ZYG11A: variants seen among roughly 807,000 people sequenced by gnomAD.
ZYG11A encodes zyg-11 family member A, cell cycle regulator, also known as protein zyg-11 homolog A.
Under a neutral mutation model 77.2 loss-of-function variants are expected in ZYG11A, and 62 were observed. That is an observed-to-expected ratio of 0.80 (90% CI 0.65 to 0.99). The LOEUF (loss-of-function observed/expected upper bound fraction) is 0.99. Ranked by LOEUF, ZYG11A falls within the 50% of genes least tolerant of loss-of-function variation. The probability of loss-of-function intolerance (pLI) is 0.00; values close to 1 mark genes in which losing one functional copy is unlikely to be tolerated. For missense variants in ZYG11A, 828 were observed against 896.8 expected (o/e 0.92, Z 0.98); for synonymous variants, 315 against 324.6 (o/e 0.97, Z 0.32).
At position 52,892,724 on chromosome 1, in the gene ZYG11A, A is replaced by G. The variant is rs1040869655; in HGVS notation, c.2105-58A>G. The G allele has an allele frequency of 5.0e-6, 7 of 1,413,308 alleles. No homozygotes were observed. The African/African-American group carries it at 7.1e-5, about 14-fold the overall frequency. The allele number at this position is 1,413,308 out of a possible 1,614,324, so 87.5% of individuals were successfully genotyped here. A position where few individuals can be genotyped will look rare whatever the true frequency, so the allele number is the denominator to read the frequency against. ...TCTTCAGCAAGGTGAATGTGGTGAC[A>G]TGGGAGTATTTAAAATGCCAGTTGT... On this transcript the variant is annotated intron_variant, in intron 13 of 13. Transcript: ENST00000371528.
chr1:52,843,045 C>T (rs536056494), intron 1 of ZYG11A, 72 bp downstream of exon 1: 62 of 1,340,568 alleles, frequency 4.6e-5, no homozygotes, highest in African/African-American at 2.9e-4. Flanking sequence ...CGGCGAGTCT[C>T]CTGGGACGCT....
intron 13 of ZYG11A, 75 bp from the exon 14 acceptor site, chr1:52,892,707 A>G (rs1646566667): frequency 1.6e-6 from 2 of 1,266,254 alleles, no homozygotes; most frequent in East Asian, 5.1e-5. Context: ...TTTCTTCAGC[A>G]AGGTGAATGT....
intron 13 of ZYG11A, among the ~76,000 whole-genome samples, chr1:52,888,974 A>T (rs530131278): frequency 3.7e-4 from 56 of 152,332 alleles, no homozygotes; most frequent in African/African-American, 1.3e-3. Flanking sequence ...ACAGACTCAT[A>T]CAGTTATAAC....
intron 1 of ZYG11A, among the ~76,000 whole-genome samples, chr1:52,850,511 G>A (rs1645688599): frequency 6.6e-6 from 1 of 152,004 alleles, no homozygotes; most frequent in Non-Finnish European, 1.5e-5. Flanking sequence ...ATAGAGACGG[G>A]GTTTCACCAC....
chr1:52,885,881 T>C lies in ZYG11A; in HGVS notation c.1993T>C (p.Leu665=), dbSNP rs1010046030. The change falls in exon 12 of 14, where the codon TTG becomes CTG. Residue 665 remains leucine (L), a synonymous_variant. Coordinates refer to ENST00000371528, the MANE Select transcript of ZYG11A (RefSeq NM_001004339.3). ...AAGTTCAAGTTGTAAGATGACAGCA[T>C]TGGTGACCTATAGGTAATTTCATGG... ...WPSSSCKMTA[L]VTYRSFKTFF... is the part of the protein sequence containing the mutation. The C allele has an allele frequency of 1.3e-6, 2 of 1,547,046 alleles. No homozygotes were observed. Among genetic ancestry groups the C allele is most frequent in the Non-Finnish European group, 1.7e-6 (2 of 1,145,134 alleles).
chr1:52,867,706 A>G (rs1646052176), intron 7 of ZYG11A, 21 bp from the exon 8 acceptor site: 1 of 1,551,464 alleles, frequency 6.4e-7, no homozygotes, highest in Admixed American at 2.0e-5. Context: ...AGTTCACTTG[A>G]GCCTTTCTGT....
chr1:52,865,933 G>GTTTTT (rs35299513), intron 5 of ZYG11A, among the ~76,000 whole-genome samples: 3 of 96,808 alleles, frequency 3.1e-5, no homozygotes, highest in African/African-American at 1.2e-4. Flanking sequence ...TGTAAAGGGA[G>GTTTTT]TTTTTTTTTT....
intron 13 of ZYG11A, among the ~76,000 whole-genome samples, chr1:52,887,747 G>T (rs1268959473): frequency 6.6e-6 from 1 of 151,836 alleles, no homozygotes; most frequent in Non-Finnish European, 1.5e-5. Flanking sequence ...AATTAGCCAG[G>T]TATGTGTGGC....
intron 1 of ZYG11A, among the ~76,000 whole-genome samples, chr1:52,843,186 T>G (rs534070): frequency 0.65 from 98,748 of 151,226 alleles, 33,245 homozygotes; most frequent in African/African-American, 0.79. Context: ...GAGCGGGGGG[T>G]GCTTTTCTGC....
At chr1:52,866,474 C>T (rs1479996922) in intron 5 of ZYG11A, 29 bp from the exon 6 acceptor site, 1 of 1,271,904 alleles carries the variant, frequency 7.9e-7, no homozygotes, top group Non-Finnish European at 1.1e-6. Flanking sequence ...TACATTTGTT[C>T]AAAATTATTT....
At chr1:52,856,688 T>G (rs1645819298) in intron 2 of ZYG11A, among the ~76,000 whole-genome samples, 1 of 146,940 alleles carries the variant, frequency 6.8e-6, no homozygotes, top group Admixed American at 6.9e-5. Flanking sequence ...TAGATAAAAT[T>G]TTGGGCTCTA....
rs780240792 is a variant in ZYG11A, at chr1:52,857,577, A to T, written c.836A>T (p.Gln279Leu). The T allele has an allele frequency of 9.7e-6, 15 of 1,551,948 alleles. No individual in the cohort carries two copies. The African/African-American group carries it at 2.1e-4, about 21-fold the overall frequency. ...TCAGACCTAGCTTTTCATTTGCTACAGCAGAAGGATATCCTGCCCAATGTT... is the reference window on the plus strand; with the variant it reads ...TCAGACCTAGCTTTTCATTTGCTACTGCAGAAGGATATCCTGCCCAATGTT... The part of the protein sequence containing the change: ...LKSDLAFHLL[Q>L]QKDILPNVVS... The change falls in exon 3 of 14, where the codon CAG becomes CTG. Residue 279 changes from glutamine (Q) to leucine (L), a missense_variant. Transcript: ENST00000371528.
At position 52,863,988 on chromosome 1, in the gene ZYG11A, C is replaced by A; in HGVS notation, c.1157C>A (p.Ala386Asp). 6.5e-7 allele frequency: 1 copy of A among 1,550,288 alleles called. No individual in the cohort carries two copies. The highest frequency in any genetic ancestry group is 2.0e-5 in the Admixed American group (1 of 50,746). The change falls in exon 5 of 14, where the codon GCT becomes GAT. Residue 386 changes from alanine to aspartate, a missense_variant. Coordinates refer to ENST00000371528, the MANE Select transcript of ZYG11A (RefSeq NM_001004339.3). ...AAACAAGTTCATCTTCAGCTTGTGG[C>A]TATAGGAATGAGGAATCACCCATTG... is the stretch of plus-strand genomic sequence containing the variant. ...VTMPAILKLV[A>D]IGMRNHPLDL... is the part of the protein sequence containing the mutation.
Position 52,873,940 on chromosome 1 carries a change from C to T in ZYG11A, c.1543-3742C>T, listed in dbSNP as rs1022946622. On this transcript the variant is annotated intron_variant, in intron 8 of 13. Transcript: ENST00000371528. ...TGGAGGTTGCAATGAGCCGAGATCGCGCCACTGCACTCCAGCCTGGGCAAC... is the reference window on the plus strand; with the variant it reads ...TGGAGGTTGCAATGAGCCGAGATCGTGCCACTGCACTCCAGCCTGGGCAAC... 5.9e-5 allele frequency among the ~76,000 whole-genome samples: 9 copies of T among 151,438 alleles called. No homozygotes were observed. The South Asian group carries it at 6.3e-4, about 11-fold the overall frequency.
At chr1:52,879,579 T>C (rs1646325866) in intron 10 of ZYG11A, among the ~76,000 whole-genome samples, 1 of 152,056 alleles carries the variant, frequency 6.6e-6, no homozygotes, top group African/African-American at 2.4e-5. Context: ...ATGTAATCAA[T>C]AAGTGTAATC....
At chr1:52,856,526 A>G (rs1228625686) in intron 2 of ZYG11A, among the ~76,000 whole-genome samples, 1 of 152,050 alleles carries the variant, frequency 6.6e-6, no homozygotes, top group Non-Finnish European at 1.5e-5. Context: ...TTTACAGATG[A>G]GGAAAATGAG....
intron 11 of ZYG11A, 25 bp downstream of exon 11, chr1:52,881,690 T>C (rs2150018364): frequency 2.7e-6 from 4 of 1,499,214 alleles, no homozygotes; most frequent in Non-Finnish European, 3.6e-6. Flanking sequence ...TTCTTATTTA[T>C]AAAATCCAGA....
intron 13 of ZYG11A, among the ~76,000 whole-genome samples, chr1:52,888,364 TG>T (rs1279113562): frequency 1.3e-5 from 2 of 152,208 alleles, no homozygotes; most frequent in Non-Finnish European, 1.5e-5. Context: ...AATGTTTGTT[TG>T]TTTTTTTCTG....
chr1:52,855,157 C>T (rs534405874), intron 2 of ZYG11A, among the ~76,000 whole-genome samples: 16 of 149,578 alleles, frequency 1.1e-4, no homozygotes, highest in Non-Finnish European at 1.6e-4. Flanking sequence ...CCACTGTGCC[C>T]GGCCTGCTCT....
Sources: allele counts gnomAD v4.1 joint callset (sites outside exome capture counted in the v4.1 genomes callset), GRCh38; gene constraint gnomAD v4.1.1; transcripts MANE v1.5; gene names NCBI Gene and HGNC (gene_info 2026-07-23, HGNC 2026-07-21).